The following ABCA12 variants were observed in gnomAD, a reference collection of about 807,000 sequenced individuals.
ABCA12 encodes the protein glucosylceramide transporter ABCA12.
ABCA12 carries 156 observed loss-of-function variants against 293.5 expected under a neutral mutation model. The ratio of observed to expected loss-of-function variants is 0.53; its 90% CI spans 0.47 to 0.61. ABCA12 has a LOEUF of 0.61. Ranked by LOEUF, ABCA12 falls within the 20% of genes least tolerant of loss-of-function variation. ABCA12 has a pLI of 0.00. For missense variants in ABCA12, 2,797 were observed against 3,090.2 expected (o/e 0.91, Z 2.25); for synonymous variants, 1,063 against 1,108.0 (o/e 0.96, Z 0.81).
At chr2:214,988,147 T>G (rs943837877) in intron 26 of ABCA12, among the ~76,000 whole-genome samples, 1 of 152,200 alleles carries the variant, frequency 6.6e-6, no homozygotes, top group African/African-American at 2.4e-5. Flanking sequence ...AAAGCCACAA[T>G]TTAATCCCCA....
intron 14 of ABCA12, 71 bp downstream of exon 14, chr2:215,017,937 C>G (rs1454008900): frequency 6.3e-7 from 1 of 1,599,292 alleles, no homozygotes; most frequent in Non-Finnish European, 8.5e-7. Flanking sequence ...AACTGGTAAG[C>G]GCTCAACAAA....
At chr2:215,011,134 T>C (rs1700362625) in intron 17 of ABCA12, among the ~76,000 whole-genome samples, 1 of 152,122 alleles carries the variant, frequency 6.6e-6, no homozygotes, top group African/African-American at 2.4e-5. Flanking sequence ...AAAATCTAAG[T>C]GTAGTATTGT....
intron 16 of ABCA12, 103 bp downstream of exon 16, chr2:215,011,868 T>TG (rs1206393456): frequency 2.8e-5 from 38 of 1,349,000 alleles, no homozygotes; most frequent in Non-Finnish European, 3.0e-5. Flanking sequence ...AGGTGTTGTT[T>TG]TTTTTTTTTT....
chr2:214,959,699 A>G (rs929292048), intron 39 of ABCA12, among the ~76,000 whole-genome samples: 3 of 152,134 alleles, frequency 2.0e-5, no homozygotes, highest in African/African-American at 4.8e-5. Context: ...GGATTCAGAG[A>G]TATTAGCTGG....
At chr2:215,122,455 T>C (rs1039130294) in intron 1 of ABCA12, among the ~76,000 whole-genome samples, 1 of 152,238 alleles carries the variant, frequency 6.6e-6, no homozygotes, top group African/African-American at 2.4e-5. Context: ...AAAAATATTT[T>C]AATGCATAGA....
At chr2:214,976,740 C>T (rs1246867567) in intron 33 of ABCA12, among the ~76,000 whole-genome samples, 3 of 152,112 alleles carry the variant, frequency 2.0e-5, no homozygotes, top group Non-Finnish European at 4.4e-5. Flanking sequence ...CTACCATCCC[C>T]ATACTTTGAA....
At chr2:215,023,348 T>C (rs1361112785) in intron 11 of ABCA12, 1 of 152,222 alleles carries the variant, frequency 6.6e-6, no homozygotes, top group Non-Finnish European at 1.5e-5. Context: ...GTCCCGTCAA[T>C]TTCAAATAAC....
At chr2:215,019,877 A>G in intron 11 of ABCA12, 81 bp from the exon 12 acceptor site, 1 of 1,530,974 alleles carries the variant, frequency 6.5e-7, no homozygotes, top group Non-Finnish European at 8.9e-7. Flanking sequence ...AGCAACCACA[A>G]TTGATTTCCT....
chr2:215,128,507 T>C (rs1702977062), intron 1 of ABCA12, among the ~76,000 whole-genome samples: 1 of 152,202 alleles, frequency 6.6e-6, no homozygotes, highest in East Asian at 1.9e-4. Flanking sequence ...TTACTCTTCT[T>C]TCTTTGTCTT....
At chr2:215,027,055 A>T in intron 9 of ABCA12, 117 bp from the exon 10 acceptor site, 3 of 787,878 alleles carry the variant, frequency 3.8e-6, no homozygotes, top group Non-Finnish European at 6.6e-6. Context: ...TTGAAATACT[A>T]TGCAGTTGGC....
At chr2:214,939,505 A>G (rs1359278107) in intron 50 of ABCA12, among the ~76,000 whole-genome samples, 1 of 152,098 alleles carries the variant, frequency 6.6e-6, no homozygotes, top group Non-Finnish European at 1.5e-5. Context: ...GTGAAGAAAG[A>G]CAATGGTAGC....
rs765633066 is a variant in ABCA12, at chr2:214,950,842, T to C, written c.6852+37A>G. On this transcript the variant is annotated intron_variant, in intron 45 of 52. Coordinates refer to ENST00000272895, the MANE Select transcript of ABCA12 (RefSeq NM_173076.3). ...TTTAATTTGTCACATAGTATGCCAA[T>C]GAAAAGGACAGTTAGAAACAAAACA... The C allele has an allele frequency of 3.8e-6, 6 of 1,597,432 alleles. No individual in the cohort carries two copies. The East Asian group carries it at 8.9e-5, about 24-fold the overall frequency.
chr2:214,989,433 G>C lies in ABCA12; in HGVS notation c.3725C>G (p.Pro1242Arg). 6.2e-7 allele frequency: 1 copy of C among 1,613,324 alleles called. No homozygotes were observed. Among genetic ancestry groups the C allele is most frequent in the South Asian group, 1.1e-5 (1 of 91,042 alleles). ...AAATGAGGTGGTGTCATCCTGAACCGGGGAGGTGTACATATTTTCCCACTG... is the reference window on the plus strand; with the variant it reads ...AAATGAGGTGGTGTCATCCTGAACCCGGGAGGTGTACATATTTTCCCACTG... ...GLQWENMYTS[P>R]VQDDTTSFGW... Residue 1242 changes from proline (P) to arginine (R), a missense_variant, in exon 26 of 53, where the codon CCG becomes CGG. This residue lies in a region of ABCA12 where 2,130 missense variants were observed against 2,427.0 expected (regional missense o/e 0.88). Transcript: ENST00000272895.
intron 39 of ABCA12, among the ~76,000 whole-genome samples, chr2:214,964,046 G>A (rs1291747963): frequency 6.6e-6 from 1 of 152,010 alleles, no homozygotes; most frequent in East Asian, 1.9e-4. Context: ...CCACAAGTTG[G>A]CTTTCATCCC....
intron 2 of ABCA12, among the ~76,000 whole-genome samples, chr2:215,110,536 AAT>A (rs563634330): frequency 3.6e-4 from 55 of 152,288 alleles, no homozygotes; most frequent in African/African-American, 1.3e-3. Flanking sequence ...ACAAAAAAGA[AAT>A]AAGGTACTAT....
intron 1 of ABCA12, among the ~76,000 whole-genome samples, chr2:215,130,590 T>C (rs775745532): frequency 6.6e-6 from 1 of 152,116 alleles, no homozygotes; most frequent in African/African-American, 2.4e-5. Context: ...ATCCTGAGAC[T>C]TACTAAAGTC....
At chr2:215,119,020 G>A (rs1485807004) in intron 1 of ABCA12, among the ~76,000 whole-genome samples, 1 of 152,194 alleles carries the variant, frequency 6.6e-6, no homozygotes, top group Non-Finnish European at 1.5e-5. Flanking sequence ...CTGTTGCCCA[G>A]GGTAGAGTGG....
intron 50 of ABCA12, among the ~76,000 whole-genome samples, chr2:214,941,632 C>T (rs1304672570): frequency 6.6e-6 from 1 of 151,916 alleles, no homozygotes; most frequent in East Asian, 1.9e-4. Context: ...TCTCGGTGCT[C>T]CTGTATTGGG....
chr2:215,091,992 G>C (rs916110416), intron 2 of ABCA12, among the ~76,000 whole-genome samples: 7 of 152,190 alleles, frequency 4.6e-5, no homozygotes, highest in African/African-American at 1.7e-4. Flanking sequence ...GCCACTCCCA[G>C]AGCCCCTGGA....
Sources: allele counts gnomAD v4.1 joint callset (sites outside exome capture counted in the v4.1 genomes callset), GRCh38; gene constraint gnomAD v4.1.1; regional missense constraint gnomAD v4.1.1; transcripts MANE v1.5; gene names NCBI Gene and HGNC (gene_info 2026-07-23, HGNC 2026-07-21).